The following IGF2R variants were observed in gnomAD, a reference collection of about 807,000 sequenced individuals.
IGF2R encodes cation-independent mannose-6-phosphate receptor.
In IGF2R, 91 loss-of-function variants were observed where a neutral mutation model predicts 270.6. The ratio of observed to expected loss-of-function variants is 0.34; its 90% CI spans 0.28 to 0.40. The LOEUF (loss-of-function observed/expected upper bound fraction) is 0.40. Among genes scored for constraint, IGF2R ranks in the 10% least tolerant of loss-of-function variants. The pLI is 1.00. For synonymous variants in IGF2R, 1,316 were observed against 1,258.9 expected (o/e 1.05, Z -0.96); for missense variants, 2,805 against 3,188.3 (o/e 0.88, Z 2.90).
In IGF2R at chr6:160,033,045, A is replaced by G. The variant is rs1453439431; in HGVS notation, c.1149A>G (p.Gln383=). 13 of 1,613,172 alleles carry G rather than the reference A, an allele frequency of 8.1e-6. No individual in the cohort carries two copies. Among genetic ancestry groups the G allele is most frequent in the East Asian group, 2.2e-5 (1 of 44,892 alleles). ...ATAAAAAACAAGCTGCAGTTTGCCA[A>G]GTGAAAAAGAGCGATACCTCTCAAG... The part of the protein sequence containing the change: ...FCNKKQAAVC[Q]VKKSDTSQVK... Residue 383 remains glutamine, a synonymous_variant, in exon 9 of 48, where the codon CAA becomes CAG. Coordinates refer to ENST00000356956, the MANE Select transcript of IGF2R (RefSeq NM_000876.4).
chr6:160,090,206 A>G, intron 44 of IGF2R, 103 bp downstream of exon 44: 1 of 776,876 alleles, frequency 1.3e-6, no homozygotes, highest in East Asian at 3.1e-5. Context: ...GACCACTTTT[A>G]AAACAAAAAC....
chr6:160,093,843 A>G, intron 44 of IGF2R: 1 of 729,766 alleles, frequency 1.4e-6, no homozygotes, highest in Non-Finnish European at 2.6e-6. Flanking sequence ...GTCCAAATAA[A>G]TATCTCAGAT....
chr6:160,060,644 G>A lies in IGF2R; in HGVS notation c.3189G>A (p.Gly1063=). Residue 1063 remains glycine (G), a synonymous_variant, in exon 23 of 48, where the codon GGG becomes GGA. Transcript: ENST00000356956. ...FLHQDIDSGQ[G]IRNTYFEFET... The stretch of plus-strand genomic sequence containing the variant: ...ATCAAGATATCGACTCTGGGCAAGG[G>A]ATCCGAAACACTTACTTTGAGTTTG... 6.2e-7 allele frequency: 1 copy of A among 1,614,266 alleles called. No homozygotes were observed. The highest frequency in any genetic ancestry group is 2.2e-5 in the East Asian group (1 of 44,892).
At chr6:160,031,874 C>G (rs901070180) in intron 7 of IGF2R, among the ~76,000 whole-genome samples, 1 of 152,150 alleles carries the variant, frequency 6.6e-6, no homozygotes, top group African/African-American at 2.4e-5. Flanking sequence ...AAAAAGCTGG[C>G]AGTGACATTC....
At chr6:160,056,574 C>A in intron 20 of IGF2R, 49 bp downstream of exon 20, 1 of 1,168,464 alleles carries the variant, frequency 8.6e-7, no homozygotes, top group Non-Finnish European at 1.3e-6. Flanking sequence ...TGCTGGACAT[C>A]CTCAACTCAC....
intron 31 of IGF2R, 115 bp downstream of exon 31, chr6:160,070,173 A>T: frequency 1.0e-6 from 1 of 999,008 alleles, no homozygotes; most frequent in Non-Finnish European, 1.5e-6. Context: ...AGAGCCTGGG[A>T]TGATGCGCCC....
chr6:160,084,163 C>T lies in IGF2R; in HGVS notation c.6047C>T (p.Ser2016Phe), dbSNP rs780107601. 4 of 1,612,820 alleles carry T rather than the reference C, an allele frequency of 2.5e-6. No individual in the cohort carries two copies. The East Asian group carries it at 6.7e-5, about 27-fold the overall frequency. Residue 2016 changes from serine to phenylalanine, a missense_variant, in exon 40 of 48, where the codon TCC becomes TTC. By Grantham distance (155) the Ser-to-Phe change is radical. This residue lies in a region of IGF2R where 1,851 missense variants were observed against 2,207.2 expected (regional missense o/e 0.84). Transcript: ENST00000356956. This position sits in a 1 kb window ranked among gnomAD's most constrained non-coding sequence, Gnocchi z 4.6. ...RLLSSLTGSW[S>F]LVHNGVSYYI... is the part of the protein sequence containing the mutation. Reference sequence around the variant, plus strand: ...CTCTCCTCTCTCACCGGGTCCTGGTCCCTCGTCCACAACGGAGTCTCGTGA... The same window carrying T: ...CTCTCCTCTCTCACCGGGTCCTGGTTCCTCGTCCACAACGGAGTCTCGTGA...
At chr6:160,006,374 C>T (rs1470432878) in intron 2 of IGF2R, 1 of 152,850 alleles carries the variant, frequency 6.5e-6, no homozygotes, top group Non-Finnish European at 1.5e-5. Context: ...CTGCTCAGTG[C>T]CTCCCAGACA....
chr6:160,008,993 C>G lies in IGF2R; in HGVS notation c.290-17C>G, dbSNP rs1193850129. ...GTATGTTTTATAGCCTGTTCACTCT[C>G]TTTTCTCTCCAAATAGGTGACTCTG... On this transcript the variant is annotated splice_polypyrimidine_tract_variant and intron_variant, in intron 2 of 47. Coordinates refer to ENST00000356956, the MANE Select transcript of IGF2R (RefSeq NM_000876.4). The G allele has an allele frequency of 6.2e-7, 1 of 1,613,304 alleles. No homozygotes were observed. The highest frequency in any genetic ancestry group is 1.3e-5 in the African/African-American group (1 of 75,004).
intron 10 of IGF2R, among the ~76,000 whole-genome samples, chr6:160,036,617 T>C (rs1359328187): frequency 1.3e-5 from 2 of 152,082 alleles, no homozygotes; most frequent in African/African-American, 4.8e-5. Context: ...GAAGACAGAA[T>C]CATTATCCAA....
chr6:160,003,948 GTC>G (rs1784171193), intron 2 of IGF2R: 3 of 152,136 alleles, frequency 2.0e-5, no homozygotes, highest in African/African-American at 4.8e-5. Flanking sequence ...TGAGCTGTGT[GTC>G]TCTCTGGGGG....
chr6:160,049,017 C>T (rs1033748804), intron 18 of IGF2R, among the ~76,000 whole-genome samples: 1 of 152,160 alleles, frequency 6.6e-6, no homozygotes, highest in African/African-American at 2.4e-5. Flanking sequence ...AACATTTACC[C>T]GTCTCCTGTG....
chr6:159,984,015 GA>G (rs1214315094), intron 1 of IGF2R, among the ~76,000 whole-genome samples: 1 of 152,198 alleles, frequency 6.6e-6, no homozygotes, highest in Non-Finnish European at 1.5e-5. Flanking sequence ...TAAGCTTGGG[GA>G]AGAAGTTGAG....
At chr6:160,041,196 A>G (rs1777937770) in intron 11 of IGF2R, among the ~76,000 whole-genome samples, 1 of 152,140 alleles carries the variant, frequency 6.6e-6, no homozygotes, top group South Asian at 2.1e-4. Flanking sequence ...GGAATTTAGC[A>G]GGAAACAGAG....
intron 19 of IGF2R, among the ~76,000 whole-genome samples, chr6:160,056,203 T>C (rs1778313609): frequency 6.6e-6 from 1 of 152,218 alleles, no homozygotes; most frequent in Admixed American, 6.5e-5. Context: ...GATTTCTATA[T>C]TTCTGAATAT....
chr6:160,015,564 C>T (rs573868353), intron 4 of IGF2R, among the ~76,000 whole-genome samples: 28 of 151,804 alleles, frequency 1.8e-4, no homozygotes, highest in Non-Finnish European at 2.6e-4. Flanking sequence ...GAAACTGTAC[C>T]GCAAAGATGC....
rs116668316 is a variant in IGF2R, at chr6:159,981,265, G to C, written c.150-9919G>C. ...TGAGTGTGTATGTGTGCGTGAGTGC[G>C]TGTGTGAGTGCACGAGTGTGTGAGT... is the stretch of plus-strand genomic sequence containing the variant. On this transcript the variant is annotated intron_variant, in intron 1 of 47. Coordinates refer to ENST00000356956, the MANE Select transcript of IGF2R (RefSeq NM_000876.4). 6.9e-3 allele frequency among the ~76,000 whole-genome samples: 1,049 copies of C among 152,074 alleles called. 16 individuals carry two copies. The highest frequency in any genetic ancestry group is 0.024 in the African/African-American group (997 of 41,524).
At chr6:160,042,963 C>T (rs1777979543) in intron 11 of IGF2R, among the ~76,000 whole-genome samples, 185 bp from the exon 12 acceptor site, 1 of 152,068 alleles carries the variant, frequency 6.6e-6, no homozygotes, top group Non-Finnish European at 1.5e-5. Context: ...AAATGAGAAA[C>T]CTGAGAATCT....
chr6:160,056,411 T>A lies in IGF2R; in HGVS notation c.2695-13T>A. On this transcript the variant is annotated splice_polypyrimidine_tract_variant and intron_variant, in intron 19 of 47. Coordinates refer to ENST00000356956, the MANE Select transcript of IGF2R (RefSeq NM_000876.4). ...TTACTGTATTGACTTTTACCCTGGA[T>A]TTGCCCATTCAGAACAGCCACCCCA... is the stretch of plus-strand genomic sequence containing the variant. 3 of 1,579,078 alleles carry A rather than the reference T, an allele frequency of 1.9e-6. No individual in the cohort carries two copies. The highest frequency in any genetic ancestry group is 2.6e-6 in the Non-Finnish European group (3 of 1,147,972).
Sources: gnomAD v4.1 joint callset for allele counts (sites outside exome capture counted in the v4.1 genomes callset) on GRCh38, gnomAD v4.1.1 for gene constraint, gnomAD v4.1.1 regional missense constraint, Gnocchi (gnomAD v3.1) non-coding constraint, MANE v1.5 for transcripts, NCBI Gene and HGNC (gene_info 2026-07-23, HGNC 2026-07-21) for gene names.